Variants in CDCA8 observed in about 807,000 individuals in gnomAD.
CDCA8 encodes cell division cycle associated 8, also known as borealin.
A neutral mutation model predicts 40.0 loss-of-function variants in CDCA8; 25 were observed. The observed-to-expected ratio is 0.63, with a 90% CI of 0.46 to 0.87. The LOEUF is 0.87. Among genes scored for constraint, CDCA8 ranks in the 40% least tolerant of loss-of-function variants. CDCA8 has a pLI of 0.00. For synonymous variants in CDCA8, 111 were observed against 126.5 expected (o/e 0.88, Z 0.82); for missense variants, 280 against 348.4 (o/e 0.80, Z 1.56).
chr1:37,705,537 C>A lies in CDCA8; in HGVS notation c.681C>A (p.Ile227=), dbSNP rs1258173529. Residue 227 remains isoleucine, a synonymous_variant, in exon 8 of 10, where the codon ATC becomes ATA. Coordinates refer to ENST00000373055, the MANE Select transcript of CDCA8 (RefSeq NM_001256875.2). ...NGSPLADSKE[I]FLTVPVGGGE... is the part of the protein sequence containing the mutation. ...GCCCTCTTGCTGACAGCAAAGAGAT[C>A]TTCCTCACTGTGCCAGTGGGCGGCG... 1 of 1,613,632 alleles carries A rather than the reference C, an allele frequency of 6.2e-7. No individual in the cohort carries two copies. Among genetic ancestry groups the A allele is most frequent in the African/African-American group, 1.3e-5 (1 of 74,914 alleles).
At chr1:37,692,829 G>A (rs959622013) in intron 1 of CDCA8, 45 bp downstream of exon 1, 2 of 1,612,886 alleles carry the variant, frequency 1.2e-6, no homozygotes, top group Non-Finnish European at 1.7e-6. Context: ...GTCGCGGGAT[G>A]CTGGCGGGTG....
At position 37,701,690 on chromosome 1, in the gene CDCA8, C is replaced by CG. The variant is rs1645565204; in HGVS notation, c.424-64_424-63insG. On this transcript the variant is annotated intron_variant, in intron 5 of 9. Transcript: ENST00000373055. ...TAATGCTTTAAAAAAAAAAAAAAAA[C>CG]CCTCCTTACCTTCCTCTTTGCTGGG... 6.3e-6 allele frequency: 5 copies of CG among 796,542 alleles called. No homozygotes were observed. The East Asian group carries it at 1.9e-4, about 30-fold the overall frequency. The allele number at this position is 796,542 out of a possible 1,614,324, so 49.3% of individuals were successfully genotyped here.
chr1:37,699,258 A>T (rs571441378), intron 4 of CDCA8, among the ~76,000 whole-genome samples: 3 of 152,236 alleles, frequency 2.0e-5, no homozygotes, highest in Non-Finnish European at 4.4e-5. Flanking sequence ...AAAGGGGGGA[A>T]AAAAGCTGTG....
chr1:37,708,321 G>C lies in CDCA8; in HGVS notation c.799-1G>C. The C allele has an allele frequency of 6.2e-7, 1 of 1,613,306 alleles. No individual in the cohort carries two copies. Among genetic ancestry groups the C allele is most frequent in the Non-Finnish European group, 8.5e-7 (1 of 1,179,376 alleles). The stretch of plus-strand genomic sequence containing the variant: ...AATGACCTCTCTCCTTTTCTTTTTA[G>C]AACCGTCTCGCCCAAATCTGCAGCA... On this transcript the variant is annotated splice_acceptor_variant, in intron 9 of 9. Transcript: ENST00000373055. LOFTEE classifies it high-confidence loss of function.
At chr1:37,708,248 C>T in intron 9 of CDCA8, 74 bp from the exon 10 acceptor site, 1 of 1,332,740 alleles carries the variant, frequency 7.5e-7, no homozygotes, top group South Asian at 1.2e-5. Flanking sequence ...GGGGCTCAGG[C>T]TGACTGTGGG....
intron 4 of CDCA8, among the ~76,000 whole-genome samples, chr1:37,699,581 AGAAAGAAAG>A (rs753626662): frequency 7.3e-6 from 1 of 137,892 alleles, no homozygotes; most frequent in Non-Finnish European, 1.6e-5. Context: ...AAAAAAAGAA[AGAAAGAAAG>A]GAAAGGAAAG....
At position 37,708,675 on chromosome 1, in the gene CDCA8, T is replaced by C. The variant is rs1429911815; in HGVS notation, c.*309T>C. On this transcript the variant is annotated 3_prime_UTR_variant, in exon 10 of 10. Transcript: ENST00000373055. ...TTTTGCCTCCTGCAACTCAACATCC[T>C]CTTCACCCTGCCCTGCCTGCAGTTG... 3 of 418,450 alleles carry C rather than the reference T, an allele frequency of 7.2e-6. No individual in the cohort carries two copies. The highest frequency in any genetic ancestry group is 1.3e-5 in the Non-Finnish European group (3 of 225,374). The allele number at this position is 418,450 out of a possible 1,614,324, so 25.9% of individuals were successfully genotyped here.
chr1:37,693,111 T>C (rs1645485451), intron 2 of CDCA8, 78 bp downstream of exon 2: 1 of 1,299,612 alleles, frequency 7.7e-7, no homozygotes, highest in African/African-American at 1.5e-5. Flanking sequence ...AAGGGCTCGC[T>C]CAGATGTCAC....
chr1:37,694,507 A>G (rs1412229261), intron 2 of CDCA8, among the ~76,000 whole-genome samples: 1 of 152,278 alleles, frequency 6.6e-6, no homozygotes, highest in Non-Finnish European at 1.5e-5. Flanking sequence ...GAAAAGAGCT[A>G]TTAGAAAAAT....
Position 37,698,922 on chromosome 1 carries a change from C to T in CDCA8, c.282C>T (p.Thr94=), listed in dbSNP as rs763086854. 2.3e-5 allele frequency: 37 copies of T among 1,613,346 alleles called. No individual in the cohort carries two copies. Among genetic ancestry groups the T allele is most frequent in the Non-Finnish European group, 3.0e-5 (35 of 1,179,486 alleles). ...EEAATADLDI[T]EINKLTAEAI... Reference sequence around the variant, plus strand: ...TGTCATAGGCTGACCTGGATATCACCGAAATAAACAAACTAACAGCAGAAG... The same window carrying T: ...TGTCATAGGCTGACCTGGATATCACTGAAATAAACAAACTAACAGCAGAAG... Residue 94 remains threonine (T), a synonymous_variant, in exon 4 of 10, where the codon ACC becomes ACT. Transcript: ENST00000373055.
intron 5 of CDCA8, 132 bp from the exon 6 acceptor site, chr1:37,701,622 T>TA (rs1645564488): frequency 3.5e-6 from 2 of 565,284 alleles, no homozygotes; most frequent in Non-Finnish European, 6.2e-6. Flanking sequence ...AATTCTGAGA[T>TA]ACACCTTATT....
At chr1:37,705,678 C>A in intron 8 of CDCA8, 111 bp downstream of exon 8, 1 of 1,258,604 alleles carries the variant, frequency 7.9e-7, no homozygotes, top group Non-Finnish European at 1.1e-6. Context: ...GTGCGTGGGT[C>A]CTGATCTCCA....
chr1:37,692,975 C>T lies in CDCA8; in HGVS notation c.165C>T (p.Asn55=), dbSNP rs148168022. 4.8e-5 allele frequency: 77 copies of T among 1,614,004 alleles called. No homozygotes were observed. In the East Asian group the frequency reaches 5.1e-4, roughly 11 times the overall value. ...TCAAGGAGGTGGATAACCTCTACAACATCGAGATCCTGCGGCTCCCCAAGG... is the reference window on the plus strand; with the variant it reads ...TCAAGGAGGTGGATAACCTCTACAATATCGAGATCCTGCGGCTCCCCAAGG... ...NLLKEVDNLY[N]IEILRLPKAL... Residue 55 remains asparagine (N), a synonymous_variant, in exon 2 of 10, where the codon AAC becomes AAT. Coordinates refer to ENST00000373055, the MANE Select transcript of CDCA8 (RefSeq NM_001256875.2).
In CDCA8 at chr1:37,701,836, G is replaced by C; in HGVS notation, c.488+18G>C. On this transcript the variant is annotated intron_variant, in intron 6 of 9. Coordinates refer to ENST00000373055, the MANE Select transcript of CDCA8 (RefSeq NM_001256875.2). ...GGGAAAAGGTAGTGGATTTTCTAAA[G>C]TTGTGGTGTTTTGGGTTTTATTGGA... The C allele has an allele frequency of 6.2e-7, 1 of 1,602,056 alleles. No individual in the cohort carries two copies. The highest frequency in any genetic ancestry group is 8.6e-7 in the Non-Finnish European group (1 of 1,169,488).
rs746483715 is a variant in CDCA8, at chr1:37,705,530, A to G, written c.674A>G (p.Lys225Arg). The G allele has an allele frequency of 6.2e-7, 1 of 1,613,698 alleles. No individual in the cohort carries two copies. The highest frequency in any genetic ancestry group is 8.5e-7 in the Non-Finnish European group (1 of 1,180,040). ...AATGGCAGCCCTCTTGCTGACAGCA[A>G]AGAGATCTTCCTCACTGTGCCAGTG... ...SGNGSPLADS[K>R]EIFLTVPVGG... The change falls in exon 8 of 10, where the codon AAA (lysine) becomes AGA (arginine). Residue 225 changes from lysine to arginine, a missense_variant. Coordinates refer to ENST00000373055, the MANE Select transcript of CDCA8 (RefSeq NM_001256875.2).
In CDCA8 at chr1:37,708,372, C is replaced by G; in HGVS notation, c.*6C>G. ...GCATACGGACCCACAAATGAGACAC[C>G]AAAGTTGACAGGATGGACTTTTAAT... On this transcript the variant is annotated 3_prime_UTR_variant, in exon 10 of 10. Transcript: ENST00000373055. The G allele has an allele frequency of 6.2e-7, 1 of 1,613,812 alleles. No individual in the cohort carries two copies. Among genetic ancestry groups the G allele is most frequent in the Non-Finnish European group, 8.5e-7 (1 of 1,179,696 alleles).
intron 5 of CDCA8, among the ~76,000 whole-genome samples, chr1:37,701,509 A>G (rs559408318): frequency 1.3e-5 from 2 of 152,252 alleles, no homozygotes; most frequent in East Asian, 3.9e-4. Context: ...AATCAGTTCA[A>G]AAGAGATTTA....
At position 37,692,666 on chromosome 1, in the gene CDCA8, C is replaced by T; in HGVS notation, c.-25C>T. On this transcript the variant is annotated 5_prime_UTR_variant, in exon 1 of 10. Coordinates refer to ENST00000373055, the MANE Select transcript of CDCA8 (RefSeq NM_001256875.2). ...TTGCTTCCCTGCCCCATCTCCGCCG[C>T]TCCCCGCAGCCTCCGCCGAGCGCCA... is the stretch of plus-strand genomic sequence containing the variant. 6.3e-7 allele frequency: 1 copy of T among 1,599,260 alleles called. No individual in the cohort carries two copies. The highest frequency in any genetic ancestry group is 8.6e-7 in the Non-Finnish European group (1 of 1,169,354).
intron 7 of CDCA8, 76 bp from the exon 8 acceptor site, chr1:37,705,365 G>A (rs1478564010): frequency 2.9e-6 from 4 of 1,400,156 alleles, no homozygotes; most frequent in East Asian, 2.3e-5. Flanking sequence ...TGAGGCCAGA[G>A]TAAGGTTAAA....
Sources: allele counts gnomAD v4.1 joint callset (sites outside exome capture counted in the v4.1 genomes callset), GRCh38; gene constraint gnomAD v4.1.1; transcripts MANE v1.5; gene names NCBI Gene and HGNC (gene_info 2026-07-23, HGNC 2026-07-21).